Variants in MED26 observed in about 807,000 individuals in gnomAD.
MED26 encodes mediator of RNA polymerase II transcription subunit 26.
Under a neutral mutation model 43.7 loss-of-function variants are expected in MED26, and 7 were observed. The observed-to-expected ratio is 0.16, with a 90% CI of 0.09 to 0.30. The LOEUF (loss-of-function observed/expected upper bound fraction) is 0.30. MED26 is among the 10% of genes least tolerant of loss of function. MED26 has a pLI of 1.00. For missense variants in MED26, 784 were observed against 840.6 expected, an observed-to-expected ratio of 0.93 and a Z score of 0.83; for synonymous variants, 375 against 371.1, an observed-to-expected ratio of 1.01 and a Z score of -0.12.
Position 16,577,105 on chromosome 19 carries a change from C to A in MED26, c.725G>T (p.Cys242Phe). 2.5e-6 allele frequency: 4 copies of A among 1,610,386 alleles called. No individual in the cohort carries two copies. Among genetic ancestry groups the A allele is most frequent in the East Asian group, 2.2e-5 (1 of 44,764 alleles). ...SPGLGKPPGP[C>F]LQPKASVLQQ... ...CAGCACCGAAGCCTTTGGCTGCAAG[C>A]AGGGTCCAGGGGGCTTGCCCAGGCC... Residue 242 changes from cysteine to phenylalanine, a missense_variant, in exon 3 of 3, where the codon TGC becomes TTC. By Grantham distance (205) the Cys-to-Phe change is radical (BLOSUM62 -2). Coordinates refer to ENST00000263390, the MANE Select transcript of MED26 (RefSeq NM_004831.5). The surrounding 1 kb of genome is among the most constrained non-coding windows in gnomAD (Gnocchi z 8.1).
At chr19:16,603,545 T>C (rs2086159379) in intron 1 of MED26, among the ~76,000 whole-genome samples, 1 of 152,282 alleles carries the variant, frequency 6.6e-6, no homozygotes, top group Admixed American at 6.5e-5. Context: ...TTCTGAATGC[T>C]AATACCACAT....
intron 1 of MED26, among the ~76,000 whole-genome samples, chr19:16,600,159 C>CT (rs1355241365): frequency 1.3e-5 from 2 of 152,130 alleles, no homozygotes; most frequent in African/African-American, 4.8e-5. Flanking sequence ...TAGGTCCCCC[C>CT]TCATCCCCCC....
chr19:16,581,170 G>C (rs547967271), intron 1 of MED26, among the ~76,000 whole-genome samples: 3 of 151,388 alleles, frequency 2.0e-5, no homozygotes, highest in African/African-American at 7.3e-5. Context: ...CTGCCAATGG[G>C]CCCATTTGCT....
At chr19:16,585,357 G>A (rs970431955) in intron 1 of MED26, among the ~76,000 whole-genome samples, 2 of 152,152 alleles carry the variant, frequency 1.3e-5, no homozygotes, top group African/African-American at 2.4e-5. Flanking sequence ...CCAGGAAGGA[G>A]CCCAGGACAG....
rs1422215428 is a variant in MED26 at position 16,606,511 on chromosome 19, T to C, written c.72+21361A>G. Among the ~76,000 whole-genome samples, 3 of 152,026 alleles carry C rather than the reference T, an allele frequency of 2.0e-5. No homozygotes were observed. In the East Asian group the frequency reaches 5.8e-4, roughly 29 times the overall value. On this transcript the variant is annotated intron_variant, in intron 1 of 2. Transcript: ENST00000263390. ...TTGCAGTGAGCCAAGATCATGCCAA[T>C]GCACTCCAGCTTGGGTGACAGAGCG...
chr19:16,603,166 A>G (rs1028522349), intron 1 of MED26, among the ~76,000 whole-genome samples: 1 of 152,196 alleles, frequency 6.6e-6, no homozygotes, highest in Non-Finnish European at 1.5e-5. Context: ...GGCAAACGGG[A>G]GTCTCATGTG....
In MED26 at chr19:16,594,903, C is replaced by T. The variant is rs1325336833; in HGVS notation, c.73-16494G>A. ...CTGTCACCACACCAAAACGGCTCTA[C>T]CCAGGGAACCTGTCACCAAAGCCAG... On this transcript the variant is annotated intron_variant, in intron 1 of 2. Transcript: ENST00000263390. Among the ~76,000 whole-genome samples, 3 of 152,176 alleles carry T rather than the reference C, an allele frequency of 2.0e-5. No individual in the cohort carries two copies. The East Asian group carries it at 5.8e-4, about 29-fold the overall frequency.
intron 1 of MED26, chr19:16,611,003 A>C (rs1225163016): frequency 7.2e-6 from 1 of 138,128 alleles, no homozygotes; most frequent in African/African-American, 2.7e-5. Flanking sequence ...ACAATAAGGA[A>C]TGTGGGCGTC....
rs1331279205 is a variant in MED26 at position 16,575,883 on chromosome 19, ACTCCCGCCCCCTCC to A, written c.*130_*143del. The stretch of plus-strand genomic sequence containing the variant: ...GGGAAGAGCGCAGAGAGACCGCGTG[ACTCCCGCCCCCTCC>A]CTCCCGCCTGGGCCGGACTCCCCGA... On this transcript the variant is annotated 3_prime_UTR_variant, in exon 3 of 3. Transcript: ENST00000263390. 4.6e-5 allele frequency: 30 copies of A among 658,602 alleles called. No homozygotes were observed. In the Admixed American group the frequency reaches 6.1e-4, roughly 13 times the overall value. 40.8% of individuals were successfully genotyped at this position (658,602 alleles called of 1,614,324 possible).
At chr19:16,590,862 AC>A (rs1158092374) in intron 1 of MED26, among the ~76,000 whole-genome samples, 1 of 151,782 alleles carries the variant, frequency 6.6e-6, no homozygotes, top group Non-Finnish European at 1.5e-5. Context: ...ACATGGCGAA[AC>A]CCTGTCTCTA....
rs553755119 is a variant in MED26, at chr19:16,576,680, C to G, written c.1150G>C (p.Ala384Pro). Residue 384 changes from alanine (A) to proline (P), a missense_variant, in exon 3 of 3, where the codon GCC (alanine) becomes CCC (proline). Physicochemically the swap from Ala to Pro is conservative, Grantham distance 27. Around this residue, in one of 3 missense-constraint regions of MED26, gnomAD observed 719 missense variants for 730.9 expected, o/e 0.98. Transcript: ENST00000263390. This position sits in a 1 kb window ranked among gnomAD's most constrained non-coding sequence, Gnocchi z 6.8. The stretch of plus-strand genomic sequence containing the variant: ...TTACTGTCCGAGCCCCCTGAGGAGG[C>G]AGCATCACTGTCCGCCTTGGAGGAG... ...PDSSKADSDA[A>P]SSGGSDSKKK... The G allele has an allele frequency of 7.4e-6, 12 of 1,614,014 alleles. No homozygotes were observed. In the South Asian group the frequency reaches 1.3e-4, roughly 18 times the overall value.
Position 16,584,655 on chromosome 19 carries a change from C to T in MED26, c.73-6246G>A, listed in dbSNP as rs559705894. Reference sequence around the variant, plus strand: ...GAGCTATTAAAGACCCACCACGCATCCTCGTCTTTCAGTGACACTTTCCTG... The same window carrying T: ...GAGCTATTAAAGACCCACCACGCATTCTCGTCTTTCAGTGACACTTTCCTG... On this transcript the variant is annotated intron_variant, in intron 1 of 2. Coordinates refer to ENST00000263390, the MANE Select transcript of MED26 (RefSeq NM_004831.5). Among the ~76,000 whole-genome samples, 3 of 152,346 alleles carry T rather than the reference C, an allele frequency of 2.0e-5. No individual in the cohort carries two copies. The South Asian group carries it at 6.2e-4, about 32-fold the overall frequency.
At position 16,577,316 on chromosome 19, in the gene MED26, G is replaced by A. The variant is rs771812981; in HGVS notation, c.514C>T (p.Pro172Ser). ...PPKVSKASHD[P>S]LVPNSSPLPT... ...AGGGGGGATGAGTTGGGGACCAGGGGGTCGTGGCTAGCTTTGGAGACCTTG... is the reference window on the plus strand; with the variant it reads ...AGGGGGGATGAGTTGGGGACCAGGGAGTCGTGGCTAGCTTTGGAGACCTTG... The change falls in exon 3 of 3, where the codon CCC (proline) becomes TCC (serine). Residue 172 changes from proline to serine, a missense_variant. This residue lies in a region of MED26 where 719 missense variants were observed against 730.9 expected (regional missense o/e 0.98). Coordinates refer to ENST00000263390, the MANE Select transcript of MED26 (RefSeq NM_004831.5). The surrounding 1 kb of genome is among the most constrained non-coding windows in gnomAD (Gnocchi z 8.1). 16 of 1,611,780 alleles carry A rather than the reference G, an allele frequency of 9.9e-6. No individual in the cohort carries two copies. Among genetic ancestry groups the A allele is most frequent in the African/African-American group, 4.0e-5 (3 of 74,914 alleles).
Position 16,576,755 on chromosome 19 carries a change from C to T in MED26, c.1075G>A (p.Gly359Arg). 6.2e-7 allele frequency: 1 copy of T among 1,608,354 alleles called. No homozygotes were observed. Among genetic ancestry groups the T allele is most frequent in the Non-Finnish European group, 8.5e-7 (1 of 1,179,412 alleles). The change falls in exon 3 of 3, where the codon GGG (glycine) becomes AGG (arginine). Residue 359 changes from glycine (G) to arginine (R), a missense_variant. Coordinates refer to ENST00000263390, the MANE Select transcript of MED26 (RefSeq NM_004831.5). This position sits in a 1 kb window ranked among gnomAD's most constrained non-coding sequence, Gnocchi z 6.8. ...AGGAGGGGCTCGGCTGGGGACAGCC[C>T]TGCCTTGCAGCCCGGCCCCGCCAGC... is the stretch of plus-strand genomic sequence containing the variant. Reference protein sequence around the residue: ...QRLAGPGCKAGLSPAEPLLSR... With the variant: ...QRLAGPGCKARLSPAEPLLSR...
At chr19:16,584,252 CAAAA>C (rs1017802282) in intron 1 of MED26, among the ~76,000 whole-genome samples, 7 of 124,724 alleles carry the variant, frequency 5.6e-5, no homozygotes, top group African/African-American at 1.5e-4. Flanking sequence ...GACTCCGTCT[CAAAA>C]AAAAGAAAAA....
intron 1 of MED26, among the ~76,000 whole-genome samples, chr19:16,615,115 C>T (rs981158676): frequency 6.6e-6 from 1 of 152,098 alleles, no homozygotes; most frequent in Admixed American, 6.5e-5. Flanking sequence ...CAAGTCAGAC[C>T]GGTTACAGGA....
intron 1 of MED26, among the ~76,000 whole-genome samples, chr19:16,620,459 C>T (rs958104731): frequency 2.0e-5 from 3 of 152,226 alleles, no homozygotes; most frequent in African/African-American, 7.2e-5. Context: ...TGCTCAGTAA[C>T]GCTGACAGCC....
Position 16,577,426 on chromosome 19 carries a change from C to T in MED26, c.404G>A (p.Arg135Lys), listed in dbSNP as rs781294294. 7.5e-6 allele frequency: 12 copies of T among 1,598,514 alleles called. No individual in the cohort carries two copies. The highest frequency in any genetic ancestry group is 1.0e-5 in the Non-Finnish European group (12 of 1,170,358). ...HDLKSRNDLQ[R>K]LPGQRLDRLG... ...CCTGTCCAGCCGCTGCCCGGGCAGC[C>T]TCTGGAGGTCATTGCGGCTCTTCAG... The change falls in exon 3 of 3, where the codon AGG becomes AAG. Residue 135 changes from arginine to lysine, a missense_variant. Physicochemically the swap from Arg to Lys is conservative, Grantham distance 26. Transcript: ENST00000263390. This position sits in a 1 kb window ranked among gnomAD's most constrained non-coding sequence, Gnocchi z 8.1.
At chr19:16,621,291 G>A (rs2086250478) in intron 1 of MED26, among the ~76,000 whole-genome samples, 1 of 152,208 alleles carries the variant, frequency 6.6e-6, no homozygotes, top group Non-Finnish European at 1.5e-5. Flanking sequence ...TACCCTAGAA[G>A]TAATTCAAAG....
Sources: allele counts gnomAD v4.1 joint callset (sites outside exome capture counted in the v4.1 genomes callset), GRCh38; gene constraint gnomAD v4.1.1; regional missense constraint gnomAD v4.1.1; non-coding constraint Gnocchi (gnomAD v3.1); transcripts MANE v1.5; gene names NCBI Gene and HGNC (gene_info 2026-07-23, HGNC 2026-07-21).